The following CHL1 variants were observed in gnomAD, a reference collection of about 807,000 sequenced individuals.
The protein encoded by CHL1 is neural cell adhesion molecule L1-like protein.
Under a neutral mutation model 141.9 loss-of-function variants are expected in CHL1, and 96 were observed. That is an observed-to-expected ratio of 0.68 (90% confidence interval 0.57 to 0.80). The LOEUF is 0.80. Ranked by LOEUF, CHL1 falls within the 30% of genes least tolerant of loss-of-function variation. The probability of loss-of-function intolerance (pLI) is 0.00; values close to 1 mark genes in which losing one functional copy is unlikely to be tolerated. For missense variants in CHL1, 1,820 were observed against 1,457.2 expected (o/e 1.25, Z -4.05); for synonymous variants, 613 against 502.2 (o/e 1.22, Z -2.95).
At chr3:372,037 C>A (rs1343253816) in intron 15 of CHL1, among the ~76,000 whole-genome samples, 2 of 152,116 alleles carry the variant, frequency 1.3e-5, no homozygotes, top group African/African-American at 2.4e-5. Flanking sequence ...CTGCCCTGAG[C>A]ATTTTTTCCT....
At chr3:342,861 A>T (rs1702446748) in intron 7 of CHL1, 123 bp from the exon 8 acceptor site, 2 of 643,480 alleles carry the variant, frequency 3.1e-6, no homozygotes, top group Non-Finnish European at 5.3e-6. Flanking sequence ...GCAATGTTCT[A>T]GTGAAGCATG....
chr3:223,517 T>A lies in CHL1; in HGVS notation c.-174-21096T>A, dbSNP rs1351684654. 3.9e-5 allele frequency among the ~76,000 whole-genome samples: 6 copies of A among 152,334 alleles called. No individual in the cohort carries two copies. In the East Asian group the frequency reaches 1.2e-3, roughly 29 times the overall value. On this transcript the variant is annotated intron_variant, in intron 1 of 27. Transcript: ENST00000256509. ...TCAGAAGGTTGTTGCAATTATTAAA[T>A]AAATTATTATTTTGGCATATAGACT... is the stretch of plus-strand genomic sequence containing the variant.
intron 9 of CHL1, among the ~76,000 whole-genome samples, chr3:348,437 C>T: frequency 6.6e-6 from 1 of 152,192 alleles, no homozygotes; most frequent in South Asian, 2.1e-4. Context: ...GAGAAAGAGA[C>T]AGTCATCCTT....
intron 5 of CHL1, among the ~76,000 whole-genome samples, chr3:337,354 C>A (rs1701968043): frequency 1.1e-5 from 1 of 92,432 alleles, no homozygotes; most frequent in African/African-American, 4.3e-5. Flanking sequence ...CCACGCCCGG[C>A]TAATTTTTTT....
intron 2 of CHL1, among the ~76,000 whole-genome samples, chr3:299,205 A>C (rs1263803244): frequency 6.6e-6 from 1 of 152,246 alleles, no homozygotes; most frequent in Non-Finnish European, 1.5e-5. Context: ...AGTGTTTATA[A>C]AAATCTACTT....
chr3:394,568 G>A, intron 23 of CHL1, 125 bp from the exon 24 acceptor site: 3 of 690,204 alleles, frequency 4.3e-6, no homozygotes, highest in Admixed American at 2.9e-5. Context: ...GATTAAATGA[G>A]TTGATGGTTA....
chr3:385,817 G>T (rs1707635553), intron 19 of CHL1: 1 of 110,916 alleles, frequency 9.0e-6, no homozygotes, highest in South Asian at 3.9e-4. Context: ...GACAGAGCGA[G>T]ACTCTGTCTC....
chr3:276,249 T>C (rs1455237595), intron 2 of CHL1, among the ~76,000 whole-genome samples: 1 of 152,204 alleles, frequency 6.6e-6, no homozygotes, highest in African/African-American at 2.4e-5. Flanking sequence ...ACCAATCATA[T>C]TGTATATGAT....
intron 5 of CHL1, among the ~76,000 whole-genome samples, chr3:337,241 A>G (rs1306374060): frequency 7.9e-6 from 1 of 127,022 alleles, no homozygotes; most frequent in East Asian, 2.4e-4. Flanking sequence ...CCCAGGCTGG[A>G]GGGCAGTGGC....
Position 248,802 on chromosome 3 carries a change from A to G in CHL1, c.-95+4110A>G, listed in dbSNP as rs186277540. On this transcript the variant is annotated intron_variant, in intron 2 of 27. Transcript: ENST00000256509. ...AATCACCATTAAATTATTAAAGAAT[A>G]AAAGATACTGAAACCCAGCAAAACT... Among the ~76,000 whole-genome samples, 173 of 152,320 alleles carry G rather than the reference A, an allele frequency of 1.1e-3. 1 individual carries two copies. Among genetic ancestry groups the G allele is most frequent in the African/African-American group, 3.7e-3 (154 of 41,592 alleles).
intron 15 of CHL1, among the ~76,000 whole-genome samples, chr3:368,147 G>C (rs1458041054): frequency 1.3e-5 from 2 of 152,052 alleles, no homozygotes; most frequent in Non-Finnish European, 2.9e-5. Flanking sequence ...GGTATTTCTG[G>C]TTCTAGATCC....
chr3:327,497 C>T (rs1701107588), intron 4 of CHL1, among the ~76,000 whole-genome samples: 1 of 151,560 alleles, frequency 6.6e-6, no homozygotes, highest in African/African-American at 2.4e-5. Flanking sequence ...GTTTATTAAT[C>T]TTATTTCTAA....
At chr3:322,938 G>A (rs1380841431) in intron 3 of CHL1, among the ~76,000 whole-genome samples, 2 of 151,698 alleles carry the variant, frequency 1.3e-5, no homozygotes, top group African/African-American at 2.4e-5. Context: ...AATTGTTGAA[G>A]CACTTAAAAA....
chr3:325,854 C>T (rs1700965305), intron 3 of CHL1, 105 bp from the exon 4 acceptor site: 2 of 634,260 alleles, frequency 3.2e-6, no homozygotes, highest in Admixed American at 6.2e-5. Flanking sequence ...TTGTATCATC[C>T]TTTCACTTAT....
At chr3:303,153 T>G (rs13313878) in intron 2 of CHL1, among the ~76,000 whole-genome samples, 4,500 of 152,244 alleles carry the variant, frequency 0.03, 227 homozygotes, top group African/African-American at 0.1. Context: ...AGACTTGTAG[T>G]GTAGTTTGAA....
chr3:294,941 T>C (rs919920981), intron 2 of CHL1, among the ~76,000 whole-genome samples: 1 of 152,242 alleles, frequency 6.6e-6, no homozygotes, highest in African/African-American at 2.4e-5. Context: ...ATAATGCTGT[T>C]CTAAGATAGC....
chr3:211,096 A>G (rs1699866741), intron 1 of CHL1, among the ~76,000 whole-genome samples: 1 of 152,222 alleles, frequency 6.6e-6, no homozygotes, highest in South Asian at 2.1e-4. Context: ...AGCAGAGTCA[A>G]AAGGGCCACG....
chr3:219,676 C>G (rs1422383628), intron 1 of CHL1, among the ~76,000 whole-genome samples: 1 of 152,074 alleles, frequency 6.6e-6, no homozygotes, highest in Non-Finnish European at 1.5e-5. Context: ...AGGAGAACAA[C>G]ACACACTGGG....
At chr3:337,841 A>C (rs898962275) in intron 5 of CHL1, among the ~76,000 whole-genome samples, 2 of 152,158 alleles carry the variant, frequency 1.3e-5, no homozygotes, top group African/African-American at 4.8e-5. Context: ...ATATGTGTGC[A>C]TGTGTCTTCA....
Sources: allele counts gnomAD v4.1 joint callset (sites outside exome capture counted in the v4.1 genomes callset), GRCh38; gene constraint gnomAD v4.1.1; transcripts MANE v1.5; gene names NCBI Gene and HGNC (gene_info 2026-07-23, HGNC 2026-07-21).